The following PLEKHM3 variants were observed in gnomAD, a reference collection of about 807,000 sequenced individuals.
The protein encoded by PLEKHM3 is pleckstrin homology domain-containing family M member 3.
Under a neutral mutation model 81.8 loss-of-function variants are expected in PLEKHM3, and 45 were observed. The observed-to-expected ratio is 0.55, with a 90% confidence interval of 0.43 to 0.71. The LOEUF is 0.71. Ranked by LOEUF, PLEKHM3 falls within the 30% of genes least tolerant of loss-of-function variation. The pLI is 0.00. For missense variants in PLEKHM3, 788 were observed against 924.3 expected (o/e 0.85, Z 1.91); for synonymous variants, 352 against 356.4 (o/e 0.99, Z 0.14).
chr2:207,953,047 T>G (rs913404054), intron 3 of PLEKHM3, among the ~76,000 whole-genome samples: 3 of 152,206 alleles, frequency 2.0e-5, no homozygotes, highest in Non-Finnish European at 4.4e-5. Flanking sequence ...CCATTAAGTA[T>G]ACGTTCTGTC....
intron 6 of PLEKHM3, among the ~76,000 whole-genome samples, chr2:207,881,018 T>C (rs1265220010): frequency 6.6e-6 from 1 of 151,470 alleles, no homozygotes; most frequent in Admixed American, 6.6e-5. Context: ...TAGTTCTGAA[T>C]ATAGAAACAC....
chr2:208,022,104 C>T (rs1693149749), intron 1 of PLEKHM3, among the ~76,000 whole-genome samples: 1 of 152,208 alleles, frequency 6.6e-6, no homozygotes, highest in Non-Finnish European at 1.5e-5. Context: ...GCTTTTCATA[C>T]ATTCACCAAT....
At chr2:207,857,327 C>T (rs979115962) in intron 7 of PLEKHM3, among the ~76,000 whole-genome samples, 1 of 152,196 alleles carries the variant, frequency 6.6e-6, no homozygotes, top group Non-Finnish European at 1.5e-5. Context: ...TGAATCTGGA[C>T]ACTCTTTGTT....
intron 7 of PLEKHM3, among the ~76,000 whole-genome samples, chr2:207,837,632 CTT>C (rs756408346): frequency 2.8e-5 from 3 of 105,956 alleles, no homozygotes; most frequent in Admixed American, 1.2e-4. Flanking sequence ...ATAGTTCTCC[CTT>C]TTTTTTTTTT....
At chr2:207,842,667 T>A (rs985566718) in intron 7 of PLEKHM3, among the ~76,000 whole-genome samples, 1 of 152,194 alleles carries the variant, frequency 6.6e-6, no homozygotes, top group Non-Finnish European at 1.5e-5. Context: ...TCGTTGGAAC[T>A]TCTGTTTCCA....
chr2:207,883,280 C>G (rs941937284), intron 6 of PLEKHM3, among the ~76,000 whole-genome samples: 2 of 152,184 alleles, frequency 1.3e-5, no homozygotes, highest in Non-Finnish European at 2.9e-5. Flanking sequence ...GGCCTTAGAT[C>G]TGTTTTGACT....
At chr2:207,870,746 T>C (rs2105829376) in intron 6 of PLEKHM3, among the ~76,000 whole-genome samples, 1 of 152,310 alleles carries the variant, frequency 6.6e-6, no homozygotes, top group South Asian at 2.1e-4. Context: ...CTAACACACC[T>C]CACGAGACTA....
chr2:208,001,280 G>A lies in PLEKHM3; in HGVS notation c.360C>T (p.Phe120=). The A allele has an allele frequency of 6.2e-7, 1 of 1,614,182 alleles. No homozygotes were observed. Among genetic ancestry groups the A allele is most frequent in the Non-Finnish European group, 8.5e-7 (1 of 1,180,036 alleles). The change falls in exon 2 of 8, where the codon TTC becomes TTT. Residue 120 remains phenylalanine (F), a synonymous_variant. Transcript: ENST00000427836. ...EQKEASTFNF[F]NICQRRRDRP... is the part of the protein sequence containing the mutation. ...GGTCCCTCCGACGCTGACAGATATT[G>A]AAGAAATTAAAGGTTGATGCTTCCT...
chr2:207,858,170 G>A (rs553578252), intron 7 of PLEKHM3, among the ~76,000 whole-genome samples: 2,723 of 99,560 alleles, frequency 0.027, 114 homozygotes, highest in African/African-American at 0.12. Flanking sequence ...GTGTGTGTGT[G>A]TGTGTATATA....
At chr2:207,914,081 A>C (rs1688902557) in intron 5 of PLEKHM3, among the ~76,000 whole-genome samples, 1 of 152,188 alleles carries the variant, frequency 6.6e-6, no homozygotes, top group Non-Finnish European at 1.5e-5. Context: ...AACAGGGCGC[A>C]GTGGCTCACA....
At position 207,841,480 on chromosome 2, in the gene PLEKHM3, AATAT is replaced by A. The variant is rs769138417; in HGVS notation, c.2109-12988_2109-12985del. Reference sequence around the variant, plus strand: ...AAAAAAAAAAAAAAAAAAAAAAAAAAATATATATATATATATATATATATATATT... The same window carrying A: ...AAAAAAAAAAAAAAAAAAAAAAAAAAATATATATATATATATATATATATT... On this transcript the variant is annotated intron_variant, in intron 7 of 7. Coordinates refer to ENST00000427836, the MANE Select transcript of PLEKHM3 (RefSeq NM_001080475.3). Among the ~76,000 whole-genome samples, 338 of 37,382 alleles carry A rather than the reference AATAT, an allele frequency of 9.0e-3. 4 individuals carry two copies. Among genetic ancestry groups the A allele is most frequent in the Middle Eastern group, 0.031 (1 of 32 alleles). The allele number at this position is 37,382 out of a possible 152,430, so 24.5% of individuals were successfully genotyped here.
chr2:208,004,974 C>T (rs1364703312), intron 1 of PLEKHM3, among the ~76,000 whole-genome samples: 1 of 151,992 alleles, frequency 6.6e-6, no homozygotes. Flanking sequence ...TAAAGGCGCC[C>T]GCCACCACGC....
intron 2 of PLEKHM3, among the ~76,000 whole-genome samples, chr2:207,986,030 T>C (rs1378797582): frequency 1.3e-5 from 2 of 150,980 alleles, no homozygotes; most frequent in Admixed American, 1.3e-4. Flanking sequence ...TCACAATAAA[T>C]GAAATGTTTA....
intron 5 of PLEKHM3, among the ~76,000 whole-genome samples, chr2:207,930,655 C>G (rs957039262): frequency 5.9e-5 from 9 of 152,106 alleles, no homozygotes; most frequent in Non-Finnish European, 8.8e-5. Context: ...GTAAGAGAAG[C>G]CTTCACCGTC....
chr2:207,973,767 C>T (rs1231192688), intron 3 of PLEKHM3, among the ~76,000 whole-genome samples: 1 of 150,044 alleles, frequency 6.7e-6, no homozygotes, highest in African/African-American at 2.5e-5. Flanking sequence ...AGAAAGAAAA[C>T]CAGAGTTCAA....
chr2:207,830,098 C>G (rs1354596714), intron 7 of PLEKHM3, among the ~76,000 whole-genome samples: 1 of 152,042 alleles, frequency 6.6e-6, no homozygotes, highest in Non-Finnish European at 1.5e-5. Context: ...AGCAGAGGCA[C>G]AGGAAGACAA....
chr2:208,012,166 C>G (rs1038892707), intron 1 of PLEKHM3, among the ~76,000 whole-genome samples: 2 of 151,196 alleles, frequency 1.3e-5, no homozygotes, highest in Non-Finnish European at 2.9e-5. Context: ...CTCAGCCTCC[C>G]GAGTAGCTGG....
chr2:207,832,652 T>C (rs1196723268), intron 7 of PLEKHM3, among the ~76,000 whole-genome samples: 1 of 148,536 alleles, frequency 6.7e-6, no homozygotes, highest in Non-Finnish European at 1.5e-5. Flanking sequence ...ATTAGCTGGG[T>C]GTGGTGGTGT....
At chr2:207,942,980 A>C (rs762190783) in intron 4 of PLEKHM3, among the ~76,000 whole-genome samples, 1 of 152,196 alleles carries the variant, frequency 6.6e-6, no homozygotes, top group Non-Finnish European at 1.5e-5. Flanking sequence ...TAGGAGCAAA[A>C]AAATTGATCT....
Sources: allele counts gnomAD v4.1 joint callset (sites outside exome capture counted in the v4.1 genomes callset), GRCh38; gene constraint gnomAD v4.1.1; transcripts MANE v1.5; gene names NCBI Gene and HGNC (gene_info 2026-07-23, HGNC 2026-07-21).